Variants in FBXL7 observed in about 807,000 individuals in gnomAD.
FBXL7 encodes the protein F-box and leucine rich repeat protein 7, also known as F-box/LRR-repeat protein 7.
FBXL7 carries 12 observed loss-of-function variants against 38.3 expected under a neutral mutation model. The ratio of observed to expected loss-of-function variants is 0.31; its 90% confidence interval spans 0.20 to 0.51. The LOEUF (loss-of-function observed/expected upper bound fraction) is 0.51. Ranked by LOEUF, FBXL7 falls within the 20% of genes least tolerant of loss-of-function variation. FBXL7 has a pLI of 0.98. For missense variants in FBXL7, 567 were observed against 676.4 expected (o/e 0.84, Z 1.79); for synonymous variants, 297 against 300.9 (o/e 0.99, Z 0.13).
At chr5:15,703,952 A>G (rs995473389) in intron 2 of FBXL7, among the ~76,000 whole-genome samples, 2 of 152,196 alleles carry the variant, frequency 1.3e-5, no homozygotes, top group Admixed American at 1.3e-4. Context: ...GCAGGGTCAC[A>G]CTCAGCAGTG....
At chr5:15,796,838 G>A (rs1305020199) in intron 2 of FBXL7, among the ~76,000 whole-genome samples, 2 of 152,102 alleles carry the variant, frequency 1.3e-5, no homozygotes, top group Non-Finnish European at 2.9e-5. Flanking sequence ...CTAAAATTAG[G>A]CACAGACTAG....
intron 2 of FBXL7, among the ~76,000 whole-genome samples, chr5:15,667,703 A>T (rs1742331238): frequency 6.6e-6 from 1 of 152,010 alleles, no homozygotes; most frequent in Non-Finnish European, 1.5e-5. Context: ...TCTTCTGTTC[A>T]TTCACCCTAT....
intron 1 of FBXL7, among the ~76,000 whole-genome samples, chr5:15,571,499 C>G (rs573983101): frequency 6.6e-6 from 1 of 152,088 alleles, no homozygotes; most frequent in Non-Finnish European, 1.5e-5. Context: ...GTGGCTTTTC[C>G]TCTTTACAAA....
chr5:15,671,578 G>T (rs1273701457), intron 2 of FBXL7, among the ~76,000 whole-genome samples: 1 of 152,220 alleles, frequency 6.6e-6, no homozygotes, highest in African/African-American at 2.4e-5. Context: ...CCGAAAGGCT[G>T]AGAAGCAATG....
chr5:15,541,443 GTATA>G (rs56810372), intron 1 of FBXL7, among the ~76,000 whole-genome samples: 1,039 of 38,432 alleles, frequency 0.027, 35 homozygotes, highest in African/African-American at 0.075. Flanking sequence ...GTGTGTGTGT[GTATA>G]TATATATATA....
At chr5:15,877,453 G>A (rs534085093) in intron 2 of FBXL7, among the ~76,000 whole-genome samples, 22 of 152,268 alleles carry the variant, frequency 1.4e-4, no homozygotes, top group African/African-American at 4.6e-4. Flanking sequence ...TCATTTAATC[G>A]TATTTCAATT....
rs540804213 is a variant in FBXL7, at chr5:15,822,357, A to G, written c.128-105533A>G. Among the ~76,000 whole-genome samples, 25 of 152,134 alleles carry G rather than the reference A, an allele frequency of 1.6e-4. 1 individual carries two copies. In the East Asian group the frequency reaches 4.1e-3, roughly 25 times the overall value. ...AGCCTGGGTGACAGAGCACGACTCCATCTCAAAAACAAAACAAAACATAAA... is the reference window on the plus strand; with the variant it reads ...AGCCTGGGTGACAGAGCACGACTCCGTCTCAAAAACAAAACAAAACATAAA... On this transcript the variant is annotated intron_variant, in intron 2 of 3. Transcript: ENST00000504595.
At chr5:15,920,759 G>A (rs752321273) in intron 2 of FBXL7, among the ~76,000 whole-genome samples, 12 of 152,150 alleles carry the variant, frequency 7.9e-5, no homozygotes, top group Admixed American at 2.0e-4. Context: ...GACCTCTGGT[G>A]ATCCGCCTGC....
intron 1 of FBXL7, among the ~76,000 whole-genome samples, chr5:15,553,557 A>G (rs957217189): frequency 1.3e-5 from 2 of 152,358 alleles, no homozygotes; most frequent in African/African-American, 4.8e-5. Flanking sequence ...CCTACTATCT[A>G]GCTAGTGCTT....
intron 1 of FBXL7, among the ~76,000 whole-genome samples, chr5:15,577,940 T>A (rs1297687970): frequency 6.6e-6 from 1 of 152,206 alleles, no homozygotes; most frequent in Non-Finnish European, 1.5e-5. Context: ...GATTGTTGCA[T>A]ATTGCAGATT....
intron 2 of FBXL7, among the ~76,000 whole-genome samples, chr5:15,733,827 G>A (rs1735675335): frequency 6.6e-6 from 1 of 152,122 alleles, no homozygotes; most frequent in African/African-American, 2.4e-5. Flanking sequence ...GCTTGTTAAT[G>A]GCCGGGTGCA....
intron 1 of FBXL7, among the ~76,000 whole-genome samples, chr5:15,529,548 G>A (rs143419593): frequency 0.011 from 1,733 of 152,092 alleles, 39 homozygotes; most frequent in African/African-American, 0.04. Context: ...ACCATGCCCG[G>A]CTAATTTTTT....
chr5:15,529,390 CT>C (rs549646236), intron 1 of FBXL7, among the ~76,000 whole-genome samples: 3,371 of 144,030 alleles, frequency 0.023, 101 homozygotes, highest in African/African-American at 0.073. Context: ...AACCTAACTT[CT>C]TTTTTTTTTT....
At chr5:15,836,175 C>T (rs902392077) in intron 2 of FBXL7, among the ~76,000 whole-genome samples, 2 of 152,268 alleles carry the variant, frequency 1.3e-5, no homozygotes, top group Non-Finnish European at 1.5e-5. Context: ...CATATTCTAT[C>T]AGGTTCCTTC....
intron 2 of FBXL7, among the ~76,000 whole-genome samples, chr5:15,700,975 T>G (rs1309133733): frequency 6.8e-6 from 1 of 147,402 alleles, no homozygotes; most frequent in Admixed American, 8.2e-5. Context: ...TCAGAAAAAG[T>G]TTTTTTTTAA....
intron 1 of FBXL7, among the ~76,000 whole-genome samples, chr5:15,541,046 C>T (rs781249560): frequency 1.3e-5 from 2 of 149,450 alleles, no homozygotes; most frequent in Non-Finnish European, 2.9e-5. Context: ...GTATATGTGT[C>T]GGAATGTGTG....
At chr5:15,555,784 G>GAGATAGAT (rs70938016) in intron 1 of FBXL7, among the ~76,000 whole-genome samples, 10,000 of 139,568 alleles carry the variant, frequency 0.072, 380 homozygotes, top group African/African-American at 0.086. Flanking sequence ...AAGGGTAGAT[G>GAGATAGAT]AGATAGATAG....
intron 1 of FBXL7, among the ~76,000 whole-genome samples, chr5:15,592,799 G>A (rs1157955983): frequency 6.6e-6 from 1 of 152,116 alleles, no homozygotes; most frequent in East Asian, 1.9e-4. Context: ...AGTTTTATTA[G>A]TGAGAGGTCA....
intron 2 of FBXL7, among the ~76,000 whole-genome samples, chr5:15,711,069 CTTT>C (rs571268957): frequency 2.6e-4 from 39 of 152,208 alleles, no homozygotes; most frequent in Non-Finnish European, 5.3e-4. Flanking sequence ...AAGCTCTCTT[CTTT>C]TGTCTGCTGC....
Sources: gnomAD v4.1 joint callset for allele counts (sites outside exome capture counted in the v4.1 genomes callset) on GRCh38, gnomAD v4.1.1 for gene constraint, MANE v1.5 for transcripts, NCBI Gene and HGNC (gene_info 2026-07-23, HGNC 2026-07-21) for gene names.